Variants in DISC1 observed in about 807,000 individuals in gnomAD.
The protein encoded by DISC1 is disrupted in schizophrenia 1 protein.
In DISC1, 57 loss-of-function variants were observed where a neutral mutation model predicts 84.5. The ratio of observed to expected loss-of-function variants is 0.67; its 90% CI spans 0.55 to 0.84. The LOEUF (loss-of-function observed/expected upper bound fraction) is 0.84, where lower values mean the gene tolerates loss of function less well. Ranked by LOEUF, DISC1 falls within the 40% of genes least tolerant of loss-of-function variation. The pLI, the probability that DISC1 is intolerant of heterozygous loss-of-function variation, is 0.00. For missense variants in DISC1, 1,000 were observed against 1,057.8 expected, an observed-to-expected ratio of 0.95 and a Z score of 0.76; for synonymous variants, 411 against 415.2, an observed-to-expected ratio of 0.99 and a Z score of 0.12.
intron 1 of DISC1, among the ~76,000 whole-genome samples, chr1:231,676,981 G>A (rs1427315964): frequency 6.6e-6 from 1 of 152,218 alleles, no homozygotes; most frequent in Non-Finnish European, 1.5e-5. Flanking sequence ...TGTGTGAAAT[G>A]TCACTTTTCC....
intron 9 of DISC1, among the ~76,000 whole-genome samples, chr1:231,852,871 A>G (rs2084000247): frequency 6.6e-6 from 1 of 152,240 alleles, no homozygotes; most frequent in South Asian, 2.1e-4. Context: ...AAAAAGAAAT[A>G]GAATTGTAAC....
At chr1:231,857,800 C>T (rs2084371962) in intron 9 of DISC1, among the ~76,000 whole-genome samples, 1 of 152,190 alleles carries the variant, frequency 6.6e-6, no homozygotes, top group Admixed American at 6.5e-5. Context: ...GGACCGGCTA[C>T]CCGGAATCTG....
At chr1:231,758,777 AC>A (rs1470072327) in intron 4 of DISC1, among the ~76,000 whole-genome samples, 3 of 152,134 alleles carry the variant, frequency 2.0e-5, no homozygotes, top group African/African-American at 7.2e-5. Flanking sequence ...TACTATCATC[AC>A]ACATTTGGAA....
rs371195549 is a variant in DISC1, at chr1:231,662,270, C to T, written c.68-31556C>T. ...AAAGATGAGTCTTGCTGCTTTTTGT[C>T]TGAGGAGGTGTGCTGCATTGTGGCA... On this transcript the variant is annotated intron_variant, in intron 1 of 12. Coordinates refer to ENST00000439617, the MANE Select transcript of DISC1 (RefSeq NM_018662.3). Among the ~76,000 whole-genome samples the T allele has an allele frequency of 4.6e-4, 70 of 152,346 alleles. 1 individual carries two copies. In the South Asian group the frequency reaches 0.01, roughly 22 times the overall value.
intron 10 of DISC1, among the ~76,000 whole-genome samples, chr1:232,006,504 TGA>T (rs1362172887): frequency 1.3e-5 from 2 of 151,978 alleles, no homozygotes; most frequent in Admixed American, 6.6e-5. Context: ...ACTTTGAACT[TGA>T]GAGAGGTGAT....
intron 9 of DISC1, among the ~76,000 whole-genome samples, chr1:231,896,350 G>T (rs1571889875): frequency 6.6e-6 from 1 of 152,150 alleles, no homozygotes; most frequent in Non-Finnish European, 1.5e-5. Flanking sequence ...CCATTTTAAA[G>T]CTGTCTCTTC....
chr1:231,730,297 C>T (rs925688316), intron 3 of DISC1, among the ~76,000 whole-genome samples: 6 of 152,162 alleles, frequency 3.9e-5, no homozygotes, highest in Admixed American at 3.9e-4. Context: ...TTTCTAATGT[C>T]CAAAACCCAC....
In DISC1 at chr1:231,869,676, A is replaced by T. The variant is rs570775136; in HGVS notation, c.1981+51159A>T. On this transcript the variant is annotated intron_variant, in intron 9 of 12. Coordinates refer to ENST00000439617, the MANE Select transcript of DISC1 (RefSeq NM_018662.3). ...TAGAGTGAGAATTCATTCACCCCCG[A>T]GGGAGAGTATTAATCTGTTCAAGGG... 1.2e-4 allele frequency among the ~76,000 whole-genome samples: 18 copies of T among 152,072 alleles called. No homozygotes were observed. In the East Asian group the frequency reaches 3.1e-3, roughly 26 times the overall value.
intron 9 of DISC1, among the ~76,000 whole-genome samples, chr1:231,946,439 C>T (rs779869506): frequency 4.6e-5 from 7 of 152,112 alleles, no homozygotes; most frequent in Non-Finnish European, 8.8e-5. Context: ...TCTCAATAAA[C>T]TAGGTATCGA....
At chr1:231,648,435 T>A (rs998431184) in intron 1 of DISC1, among the ~76,000 whole-genome samples, 6 of 152,252 alleles carry the variant, frequency 3.9e-5, no homozygotes, top group African/African-American at 1.4e-4. Context: ...ATAAGCTTTT[T>A]GATGTGCTGC....
intron 9 of DISC1, among the ~76,000 whole-genome samples, chr1:231,889,734 C>T (rs1450868301): frequency 6.6e-6 from 1 of 152,062 alleles, no homozygotes; most frequent in Admixed American, 6.6e-5. Flanking sequence ...CTACACAGTT[C>T]TCCCCCTCTT....
chr1:231,713,951 G>A (rs1314223552), intron 3 of DISC1, among the ~76,000 whole-genome samples: 3 of 151,012 alleles, frequency 2.0e-5, no homozygotes, highest in African/African-American at 7.3e-5. Context: ...CATAATGGAA[G>A]GGAACAAGTA....
At chr1:231,650,573 G>A (rs901904190) in intron 1 of DISC1, among the ~76,000 whole-genome samples, 1 of 152,100 alleles carries the variant, frequency 6.6e-6, no homozygotes, top group Non-Finnish European at 1.5e-5. Context: ...TATCTTTGTG[G>A]TGTTCTCTGT....
At chr1:231,995,318 T>C (rs191118890) in intron 10 of DISC1, among the ~76,000 whole-genome samples, 1 of 152,004 alleles carries the variant, frequency 6.6e-6, no homozygotes, top group East Asian at 1.9e-4. Context: ...GGTTATTTTC[T>C]TTTTTTCTTT....
intron 1 of DISC1, among the ~76,000 whole-genome samples, chr1:231,652,285 C>G (rs1051216213): frequency 1.8e-4 from 28 of 152,270 alleles, no homozygotes; most frequent in African/African-American, 6.0e-4. Flanking sequence ...CACATGTGCT[C>G]TGAGCCTAGA....
chr1:231,689,417 C>T (rs1054742472), intron 1 of DISC1, among the ~76,000 whole-genome samples: 4 of 151,872 alleles, frequency 2.6e-5, no homozygotes, highest in East Asian at 1.9e-4. Context: ...CTGCAACCTC[C>T]GTCTCCCAGG....
intron 6 of DISC1, among the ~76,000 whole-genome samples, chr1:231,784,140 G>A (rs1264676351): frequency 2.6e-5 from 4 of 152,016 alleles, no homozygotes; most frequent in Non-Finnish European, 5.9e-5. Flanking sequence ...GTGCGCACCT[G>A]TAATCCCAGC....
At chr1:231,970,880 C>T (rs1304541833) in intron 10 of DISC1, among the ~76,000 whole-genome samples, 2 of 152,108 alleles carry the variant, frequency 1.3e-5, no homozygotes, top group Non-Finnish European at 2.9e-5. Flanking sequence ...AAAGAGGGTT[C>T]CTCTTTCTTT....
At position 231,936,776 on chromosome 1, in the gene DISC1, T is replaced by A. The variant is rs78415941; in HGVS notation, c.1982-22052T>A. 2.3e-3 allele frequency among the ~76,000 whole-genome samples: 346 copies of A among 152,338 alleles called. 5 individuals carry two copies. In the East Asian group the frequency reaches 0.029, roughly 13 times the overall value. On this transcript the variant is annotated intron_variant, in intron 9 of 12. Coordinates refer to ENST00000439617, the MANE Select transcript of DISC1 (RefSeq NM_018662.3). ...TAAGAAGGAGCCCATAGGAGTTTTA[T>A]CCATCTTATTTTCAGATATTTAAGC...
Sources: gnomAD v4.1 joint callset for allele counts (sites outside exome capture counted in the v4.1 genomes callset) on GRCh38, gnomAD v4.1.1 for gene constraint, MANE v1.5 for transcripts, NCBI Gene and HGNC (gene_info 2026-07-23, HGNC 2026-07-21) for gene names.